FNTB: variants seen among roughly 807,000 people sequenced by gnomAD.
FNTB encodes the protein protein farnesyltransferase subunit beta.
FNTB carries 27 observed loss-of-function variants against 59.4 expected under a neutral mutation model. The observed-to-expected ratio is 0.45, with a 90% CI of 0.34 to 0.63. The LOEUF (loss-of-function observed/expected upper bound fraction) is 0.63. Ranked by LOEUF, FNTB falls within the 20% of genes least tolerant of loss-of-function variation. The pLI, the probability that FNTB is intolerant of heterozygous loss-of-function variation, is 0.02. For missense variants in FNTB, 449 were observed against 559.6 expected, an observed-to-expected ratio of 0.80 and a Z score of 1.99; for synonymous variants, 230 against 220.7, an observed-to-expected ratio of 1.04 and a Z score of -0.37.
Position 64,991,673 on chromosome 14 carries a change from G to A in FNTB, c.144+4576G>A, listed in dbSNP as rs951242814. Among the ~76,000 whole-genome samples, 1 of 152,292 alleles carries A rather than the reference G, an allele frequency of 6.6e-6. No homozygotes were observed. The highest frequency in any genetic ancestry group is 2.1e-4 in the South Asian group (1 of 4,824). ...GTGCTAAATTATAACTGCTTTGCACGAGGATTTTGGGGAGTTGAAAAGCCA... is the reference window on the plus strand; with the variant it reads ...GTGCTAAATTATAACTGCTTTGCACAAGGATTTTGGGGAGTTGAAAAGCCA... On this transcript the variant is annotated intron_variant, in intron 1 of 11. Transcript: ENST00000246166. The surrounding 1 kb of genome is among the most constrained non-coding windows in gnomAD (Gnocchi z 4.4).
chr14:65,027,689 G>A lies in FNTB; in HGVS notation c.522-9G>A. ...TGTTGCCTCTCCTACCTCTTTCCCT[G>A]TTTCTCAGAGAGAAGCTTCTTCAGT... On this transcript the variant is annotated splice_polypyrimidine_tract_variant and intron_variant, in intron 5 of 11. Coordinates refer to ENST00000246166, the MANE Select transcript of FNTB (RefSeq NM_002028.4). The surrounding 1 kb of genome is among the most constrained non-coding windows in gnomAD (Gnocchi z 5.7). 2 of 1,614,194 alleles carry A rather than the reference G, an allele frequency of 1.2e-6. No homozygotes were observed. Among genetic ancestry groups the A allele is most frequent in the Non-Finnish European group, 1.7e-6 (2 of 1,180,028 alleles).
Position 64,994,834 on chromosome 14 carries a change from G to T in FNTB, c.144+7737G>T, listed in dbSNP as rs1035249260. On this transcript the variant is annotated intron_variant, in intron 1 of 11. Transcript: ENST00000246166. This position sits in a 1 kb window ranked among gnomAD's most constrained non-coding sequence, Gnocchi z 4.2. ...CATTATGAAAAATAAAAATAAACACGGTATGCTTAAGCTACACTAAATTTA... is the reference window on the plus strand; with the variant it reads ...CATTATGAAAAATAAAAATAAACACTGTATGCTTAAGCTACACTAAATTTA... 1.3e-5 allele frequency among the ~76,000 whole-genome samples: 2 copies of T among 151,656 alleles called. No homozygotes were observed. The highest frequency in any genetic ancestry group is 4.8e-5 in the African/African-American group (2 of 41,240).
intron 1 of FNTB, among the ~76,000 whole-genome samples, chr14:64,988,384 G>T (rs1343655183): frequency 6.6e-6 from 1 of 151,134 alleles, no homozygotes; most frequent in Non-Finnish European, 1.5e-5. Flanking sequence ...ATGATGGATT[G>T]CTGAGTTGAT....
Position 65,032,768 on chromosome 14 carries a change from G to T in FNTB, c.692+72G>T, listed in dbSNP as rs2062111526. ...CACGACACTACTTCAGAAAAATAAA[G>T]AAAATGCAGAGGGACTTGGAAGGAA... On this transcript the variant is annotated intron_variant, in intron 7 of 11. Transcript: ENST00000246166. The surrounding 1 kb of genome is among the most constrained non-coding windows in gnomAD (Gnocchi z 5.0). The T allele has an allele frequency of 2.1e-6, 3 of 1,449,122 alleles. No individual in the cohort carries two copies. Among genetic ancestry groups the T allele is most frequent in the Non-Finnish European group, 2.8e-6 (3 of 1,068,046 alleles). The allele number at this position is 1,449,122 out of a possible 1,614,324, so 89.8% of individuals were successfully genotyped here. A position where few individuals can be genotyped will look rare whatever the true frequency, so the allele number is the denominator to read the frequency against.
intron 7 of FNTB, among the ~76,000 whole-genome samples, chr14:65,036,843 G>A (rs1249188907): frequency 1.3e-5 from 2 of 151,956 alleles, no homozygotes; most frequent in Non-Finnish European, 2.9e-5. Flanking sequence ...TCGTCATACT[G>A]GCCAGGCTGG....
At chr14:65,004,417 G>A (rs145125744) in intron 2 of FNTB, 104 bp downstream of exon 2, 3 of 1,226,380 alleles carry the variant, frequency 2.4e-6, no homozygotes, top group Non-Finnish European at 3.5e-6. Context: ...AGCATCTGCT[G>A]CAAGAATGGT....
Position 65,011,021 on chromosome 14 carries a change from C to T in FNTB, c.210-1296C>T, listed in dbSNP as rs994286540. Reference sequence around the variant, plus strand: ...TCATTCCTTTCTTCATGAGATATCCCCTCCCTTTTGAGCCTCAGTAGTATG... The same window carrying T: ...TCATTCCTTTCTTCATGAGATATCCTCTCCCTTTTGAGCCTCAGTAGTATG... On this transcript the variant is annotated intron_variant, in intron 2 of 11. Transcript: ENST00000246166. This position sits in a 1 kb window ranked among gnomAD's most constrained non-coding sequence, Gnocchi z 4.0. 9.4e-5 allele frequency among the ~76,000 whole-genome samples: 14 copies of T among 149,644 alleles called. No homozygotes were observed. The highest frequency in any genetic ancestry group is 3.0e-4 in the African/African-American group (12 of 40,442).
intron 2 of FNTB, among the ~76,000 whole-genome samples, chr14:65,006,630 G>C (rs757370971): frequency 1.3e-5 from 2 of 152,192 alleles, no homozygotes; most frequent in African/African-American, 4.8e-5. Flanking sequence ...TGACTCACCC[G>C]ATCGGGCTGA....
rs2061994770 is a variant in FNTB at position 65,027,003 on chromosome 14, G to T, written c.375-450G>T. 6.6e-6 allele frequency among the ~76,000 whole-genome samples: 1 copy of T among 152,176 alleles called. No individual in the cohort carries two copies. Among genetic ancestry groups the T allele is most frequent in the African/African-American group, 2.4e-5 (1 of 41,446 alleles). On this transcript the variant is annotated intron_variant, in intron 4 of 11. Coordinates refer to ENST00000246166, the MANE Select transcript of FNTB (RefSeq NM_002028.4). This position sits in a 1 kb window ranked among gnomAD's most constrained non-coding sequence, Gnocchi z 5.7. ...GGCCTAGGTGATGGATCCTGACTAG[G>T]ATGGTTAGTGTGGAAAGAAGCAGTT...
At chr14:65,000,853 C>CAAAAAAAAAAAAAA (rs1888573063) in intron 1 of FNTB, among the ~76,000 whole-genome samples, 1 of 128,574 alleles carries the variant, frequency 7.8e-6, no homozygotes, top group Non-Finnish European at 1.8e-5. Context: ...AATAGTTACC[C>CAAAAAAAAAAAAAA]AAAAAGCTGG....
At position 65,047,521 on chromosome 14, in the gene FNTB, C is replaced by T. The variant is rs1371857976; in HGVS notation, c.955+3078C>T. Among the ~76,000 whole-genome samples the T allele has an allele frequency of 2.0e-5, 3 of 152,076 alleles. No individual in the cohort carries two copies. Among genetic ancestry groups the T allele is most frequent in the African/African-American group, 4.8e-5 (2 of 41,406 alleles). On this transcript the variant is annotated intron_variant, in intron 9 of 11. Transcript: ENST00000246166. The surrounding 1 kb of genome is among the most constrained non-coding windows in gnomAD (Gnocchi z 5.2). The stretch of plus-strand genomic sequence containing the variant: ...GGCAGAGATTAAAAAACTTGATACC[C>T]TATGTTGGGGAGAGTGTGAGAAAAC...
rs1450597095 is a variant in FNTB at position 64,990,491 on chromosome 14, C to G, written c.144+3394C>G. The stretch of plus-strand genomic sequence containing the variant: ...TCTCTGCGGAGCTCTTTGTCTCCCT[C>G]CCTCTCCATCCTTCACACCTTCAGG... On this transcript the variant is annotated intron_variant, in intron 1 of 11. Transcript: ENST00000246166. The surrounding 1 kb of genome is among the most constrained non-coding windows in gnomAD (Gnocchi z 5.2). Among the ~76,000 whole-genome samples, 1 of 152,192 alleles carries G rather than the reference C, an allele frequency of 6.6e-6. No individual in the cohort carries two copies. Among genetic ancestry groups the G allele is most frequent in the African/African-American group, 2.4e-5 (1 of 41,450 alleles).
chr14:65,054,468 T>TGG lies in FNTB; in HGVS notation c.1068-100_1068-99dup. 9.0e-7 allele frequency: 1 copy of TGG among 1,111,190 alleles called. No individual in the cohort carries two copies. The highest frequency in any genetic ancestry group is 1.3e-6 in the Non-Finnish European group (1 of 771,798). The allele number at this position is 1,111,190 out of a possible 1,614,324, so 68.8% of individuals were successfully genotyped here. On this transcript the variant is annotated intron_variant, in intron 10 of 11. Coordinates refer to ENST00000246166, the MANE Select transcript of FNTB (RefSeq NM_002028.4). The surrounding 1 kb of genome is among the most constrained non-coding windows in gnomAD (Gnocchi z 4.4). ...ATGCCTCCTCTAGCCACATGGAGGA[T>TGG]GGGGGGGGACGTGTGATTGCACCAG...
At chr14:64,989,260 C>G (rs1302699871) in intron 1 of FNTB, among the ~76,000 whole-genome samples, 1 of 147,574 alleles carries the variant, frequency 6.8e-6, no homozygotes, top group African/African-American at 2.5e-5. Flanking sequence ...CATAGCAAGA[C>G]CCTGTCTCTA....
In FNTB at chr14:65,030,068, G is replaced by A. The variant is rs906592981; in HGVS notation, c.605+2287G>A. Among the ~76,000 whole-genome samples the A allele has an allele frequency of 2.7e-4, 41 of 152,330 alleles. No individual in the cohort carries two copies. The highest frequency in any genetic ancestry group is 8.2e-4 in the African/African-American group (34 of 41,564). On this transcript the variant is annotated intron_variant, in intron 6 of 11. Coordinates refer to ENST00000246166, the MANE Select transcript of FNTB (RefSeq NM_002028.4). This position sits in a 1 kb window ranked among gnomAD's most constrained non-coding sequence, Gnocchi z 4.5. ...TATTACGTTTCCTCCCCATCTCAGC[G>A]TGAGACCTGGGACTCCTGTCTTCTG...
In FNTB at chr14:65,061,455, A is replaced by G; in HGVS notation, c.*143A>G. 7.4e-7 allele frequency: 1 copy of G among 1,353,048 alleles called. No individual in the cohort carries two copies. Among genetic ancestry groups the G allele is most frequent in the Non-Finnish European group, 9.8e-7 (1 of 1,023,644 alleles). The allele number at this position is 1,353,048 out of a possible 1,614,324, so 83.8% of individuals were successfully genotyped here. A position where few individuals can be genotyped will look rare whatever the true frequency, so the allele number is the denominator to read the frequency against. On this transcript the variant is annotated 3_prime_UTR_variant, in exon 12 of 12. Transcript: ENST00000246166. ...TTCTCTTGGTACTTTCTTGTCAAAC[A>G]AAACCAATGGCTCTGGGTTTGGAGA...
Position 65,047,841 on chromosome 14 carries a change from G to A in FNTB, c.955+3398G>A, listed in dbSNP as rs1042501164. Among the ~76,000 whole-genome samples the A allele has an allele frequency of 6.6e-5, 10 of 152,164 alleles. No homozygotes were observed. The highest frequency in any genetic ancestry group is 2.2e-4 in the African/African-American group (9 of 41,420). The stretch of plus-strand genomic sequence containing the variant: ...ATACAACATGAAGTGTAAGGGGGCG[G>A]GGCCTGGAGCAGTGCCTGGGCACAC... On this transcript the variant is annotated intron_variant, in intron 9 of 11. Transcript: ENST00000246166. The surrounding 1 kb of genome is among the most constrained non-coding windows in gnomAD (Gnocchi z 5.2).
At chr14:65,045,032 C>T (rs1425224625) in intron 9 of FNTB, among the ~76,000 whole-genome samples, 3 of 152,170 alleles carry the variant, frequency 2.0e-5, no homozygotes, top group African/African-American at 7.2e-5. Context: ...GTTCCACCTG[C>T]ACCATTGGAG....
At chr14:65,060,251 C>T (rs944314065) in intron 11 of FNTB, among the ~76,000 whole-genome samples, 1 of 151,936 alleles carries the variant, frequency 6.6e-6, no homozygotes, top group Admixed American at 6.6e-5. Context: ...GGTATGGGTA[C>T]AATTTTTGCT....
Sources: allele counts gnomAD v4.1 joint callset (sites outside exome capture counted in the v4.1 genomes callset), GRCh38; gene constraint gnomAD v4.1.1; non-coding constraint Gnocchi (gnomAD v3.1); transcripts MANE v1.5; gene names NCBI Gene and HGNC (gene_info 2026-07-23, HGNC 2026-07-21).